Variants in PLCG2 observed in about 807,000 individuals in gnomAD.
PLCG2 encodes the protein 1-phosphatidylinositol 4,5-bisphosphate phosphodiesterase gamma-2.
A neutral mutation model predicts 175.6 loss-of-function variants in PLCG2; 69 were observed. The observed-to-expected ratio is 0.39, with a 90% confidence interval of 0.32 to 0.48. PLCG2 has a LOEUF of 0.48. Among genes scored for constraint, PLCG2 ranks in the 20% least tolerant of loss-of-function variants. The pLI is 0.91. For missense variants in PLCG2, 1,798 were observed against 1,650.9 expected (o/e 1.09, Z -1.54); for synonymous variants, 827 against 624.0 (o/e 1.33, Z -4.85).
At chr16:81,812,808 G>A (rs1382272792) in intron 2 of PLCG2, among the ~76,000 whole-genome samples, 5 of 152,120 alleles carry the variant, frequency 3.3e-5, no homozygotes, top group Non-Finnish European at 5.9e-5. Flanking sequence ...ATGGTTTTAG[G>A]TCTTATGTTT....
chr16:81,766,286 A>G (rs1372481758), intron 2 of PLCG2, among the ~76,000 whole-genome samples: 1 of 152,184 alleles, frequency 6.6e-6, no homozygotes, highest in African/African-American at 2.4e-5. Context: ...AGCCTCTCCT[A>G]GGGGAAGCCA....
At chr16:81,920,781 T>G (rs1316773731) in intron 20 of PLCG2, among the ~76,000 whole-genome samples, 10 of 152,164 alleles carry the variant, frequency 6.6e-5, no homozygotes, top group Admixed American at 3.9e-4. Flanking sequence ...TTGTAGCATT[T>G]GCCAGTTTCC....
At chr16:81,911,961 C>A (rs889582572) in intron 18 of PLCG2, among the ~76,000 whole-genome samples, 5 of 151,956 alleles carry the variant, frequency 3.3e-5, no homozygotes, top group African/African-American at 1.2e-4. Flanking sequence ...CCATGCCTGG[C>A]TAATTTTTTG....
chr16:81,841,204 C>CTTTA (rs144363484), intron 2 of PLCG2, among the ~76,000 whole-genome samples: 1,954 of 144,716 alleles, frequency 0.014, 16 homozygotes, highest in South Asian at 0.025. Context: ...AAAAAGTAAA[C>CTTTA]TTTATTTATT....
intron 7 of PLCG2, among the ~76,000 whole-genome samples, chr16:81,874,958 T>TTTTTGTTC (rs1567510334): frequency 2.8e-5 from 4 of 142,882 alleles, no homozygotes; most frequent in South Asian, 2.3e-4. Flanking sequence ...GTTTTTTTTT[T>TTTTTGTTC]TTTTTTTTTT....
intron 11 of PLCG2, 52 bp from the exon 12 acceptor site, chr16:81,893,657 C>G: frequency 8.8e-7 from 1 of 1,132,468 alleles, no homozygotes; most frequent in African/African-American, 1.5e-5. Context: ...GGCTTGCCCC[C>G]CAACCCCTGT....
intron 21 of PLCG2, among the ~76,000 whole-genome samples, chr16:81,922,443 C>G (rs1014583194): frequency 4.6e-5 from 7 of 152,154 alleles, no homozygotes; most frequent in Non-Finnish European, 8.8e-5. Context: ...AATGCTTTAG[C>G]GATACTATAG....
At chr16:81,905,141 C>T (rs1909309964) in intron 14 of PLCG2, among the ~76,000 whole-genome samples, 1 of 152,258 alleles carries the variant, frequency 6.6e-6, no homozygotes, top group Non-Finnish European at 1.5e-5. Flanking sequence ...TCTGCTTCAG[C>T]CTCCCAAAGT....
chr16:81,841,213 T>G (rs1178884646), intron 2 of PLCG2, among the ~76,000 whole-genome samples: 1 of 37,762 alleles, frequency 2.6e-5, no homozygotes, highest in Non-Finnish European at 5.8e-5. Context: ...ACTTTATTTA[T>G]TTATTTATTT....
chr16:81,803,259 C>T (rs1911823622), intron 2 of PLCG2, among the ~76,000 whole-genome samples: 1 of 151,970 alleles, frequency 6.6e-6, no homozygotes, highest in East Asian at 1.9e-4. Context: ...GCTGGGACTA[C>T]AGGTGCCCAC....
At chr16:81,837,689 T>C (rs1026589211) in intron 2 of PLCG2, among the ~76,000 whole-genome samples, 12 of 152,092 alleles carry the variant, frequency 7.9e-5, no homozygotes, top group Admixed American at 1.3e-4. Flanking sequence ...CATGTGTTTT[T>C]TTTTTTTTTT....
At chr16:81,848,962 C>T (rs1906261645) in intron 2 of PLCG2, among the ~76,000 whole-genome samples, 1 of 152,112 alleles carries the variant, frequency 6.6e-6, no homozygotes, top group Non-Finnish European at 1.5e-5. Context: ...TGGCACTAAC[C>T]AGACTAAGAA....
At chr16:81,760,650 C>A (rs776361156) in intron 2 of PLCG2, among the ~76,000 whole-genome samples, 1 of 151,536 alleles carries the variant, frequency 6.6e-6, no homozygotes, top group Non-Finnish European at 1.5e-5. Context: ...ATGGCACATG[C>A]CTATAATCCC....
At chr16:81,924,379 G>A (rs1013824363) in intron 22 of PLCG2, among the ~76,000 whole-genome samples, 4 of 152,256 alleles carry the variant, frequency 2.6e-5, no homozygotes, top group African/African-American at 9.6e-5. Context: ...GTGCTTCTAT[G>A]TGTCAAGCAC....
At chr16:81,779,090 A>T (rs1597312854), upstream of PLCG2, among the ~76,000 whole-genome samples, 1 of 152,232 alleles carries the variant, frequency 6.6e-6, no homozygotes, top group South Asian at 2.1e-4. Context: ...GGGTTGCCTC[A>T]GTTTCTTCTT....
At position 81,961,925 on chromosome 16, in the gene PLCG2, C is replaced by T. The variant is rs530006118; in HGVS notation, c.*3927C>T. On this transcript the variant is annotated 3_prime_UTR_variant, in exon 33 of 33. Coordinates refer to ENST00000564138, the MANE Select transcript of PLCG2 (RefSeq NM_002661.5). ...AGCATAAAATGTTAAGATTGCTGAT[C>T]GGATGTGAGGGCGATCTGGCTGCGA... 7.0e-5 allele frequency: 14 copies of T among 198,738 alleles called. No homozygotes were observed. Among genetic ancestry groups the T allele is most frequent in the African/African-American group, 1.6e-4 (7 of 43,446 alleles). 12.3% of individuals were successfully genotyped at this position (198,738 alleles called of 1,614,324 possible). A position where few individuals can be genotyped will look rare whatever the true frequency, so the allele number is the denominator to read the frequency against.
intron 8 of PLCG2, among the ~76,000 whole-genome samples, chr16:81,882,622 C>T (rs547580826): frequency 2.6e-5 from 4 of 152,074 alleles, no homozygotes; most frequent in Admixed American, 6.6e-5. Flanking sequence ...CTCTGGCCTG[C>T]GTTCCCTCGC....
intron 30 of PLCG2, among the ~76,000 whole-genome samples, chr16:81,942,840 A>G (rs1911001352): frequency 6.6e-6 from 1 of 152,160 alleles, no homozygotes; most frequent in Admixed American, 6.5e-5. Flanking sequence ...AGCCAGATGC[A>G]TTGATCTTAC....
intron 1 of PLCG2, among the ~76,000 whole-genome samples, chr16:81,742,692 A>G (rs1214803272): frequency 6.6e-6 from 1 of 152,204 alleles, no homozygotes; most frequent in Non-Finnish European, 1.5e-5. Flanking sequence ...ATGATAGCAC[A>G]TATAATCATT....
Sources: allele counts gnomAD v4.1 joint callset (sites outside exome capture counted in the v4.1 genomes callset), GRCh38; gene constraint gnomAD v4.1.1; transcripts MANE v1.5; gene names NCBI Gene and HGNC (gene_info 2026-07-23, HGNC 2026-07-21).